AFF2: variants seen among roughly 807,000 people sequenced by gnomAD.
AFF2 encodes ALF transcription elongation factor 2.
AFF2 carries 14 observed loss-of-function variants against 76.9 expected under a neutral mutation model. That is an observed-to-expected ratio of 0.18 (90% confidence interval 0.12 to 0.28). The LOEUF (loss-of-function observed/expected upper bound fraction) is 0.28. AFF2 is among the 10% of genes least tolerant of loss of function. The probability of loss-of-function intolerance (pLI) is 1.00; values close to 1 mark genes in which losing one functional copy is unlikely to be tolerated. For synonymous variants in AFF2, 398 were observed against 366.7 expected (o/e 1.09, Z -0.98); for missense variants, 868 against 1,001.1 (o/e 0.87, Z 1.79).
chrX:148,539,337 G>A (rs1423250782), intron 1 of AFF2, among the ~76,000 whole-genome samples: 5 of 111,449 alleles, frequency 4.5e-5, no homozygotes, highest in African/African-American at 1.3e-4. Context: ...GCTAAACAGA[G>A]ACTTGAATTG....
At chrX:148,535,294 C>A (rs1257192247) in intron 1 of AFF2, among the ~76,000 whole-genome samples, 4 of 112,261 alleles carry the variant, frequency 3.6e-5, no homozygotes, top group African/African-American at 6.5e-5. Context: ...TACCTTTATT[C>A]TTTTCATTCC....
intron 9 of AFF2, among the ~76,000 whole-genome samples, chrX:148,910,041 C>T (rs2071451599): frequency 8.9e-6 from 1 of 112,508 alleles, no homozygotes; most frequent in African/African-American, 3.2e-5. Flanking sequence ...AGGTTGACAT[C>T]TGTTACCAAA....
intron 2 of AFF2, among the ~76,000 whole-genome samples, chrX:148,654,960 G>T (rs1475151229): frequency 9.0e-6 from 1 of 111,160 alleles, no homozygotes; most frequent in Admixed American, 9.6e-5. Flanking sequence ...TTATAATGAG[G>T]TGGAGAACTC....
chrX:148,961,290 G>A (rs2072105715), intron 12 of AFF2, among the ~76,000 whole-genome samples: 1 of 111,885 alleles, frequency 8.9e-6, no homozygotes, highest in Non-Finnish European at 1.9e-5. Context: ...AAGGCCTGGT[G>A]CCTTTGTAAT....
At chrX:148,651,777 T>C (rs1378558662) in intron 1 of AFF2, among the ~76,000 whole-genome samples, 1 of 111,561 alleles carries the variant, frequency 9.0e-6, no homozygotes, top group African/African-American at 3.3e-5. Flanking sequence ...TGAATATCAT[T>C]TCAAATAAGC....
chrX:148,672,193 G>A (rs1188599501), intron 3 of AFF2, among the ~76,000 whole-genome samples: 1 of 111,993 alleles, frequency 8.9e-6, no homozygotes, highest in African/African-American at 3.2e-5. Context: ...TTTTCTATTT[G>A]ACATGAAAGA....
intron 1 of AFF2, among the ~76,000 whole-genome samples, chrX:148,571,224 G>A (rs782790761): frequency 8.9e-6 from 1 of 111,789 alleles, no homozygotes; most frequent in African/African-American, 3.2e-5. Context: ...CTACTTAATT[G>A]TTATCAAAGT....
chrX:148,564,308 A>G lies in AFF2; in HGVS notation c.47+63164A>G, dbSNP rs941919173. ...ATGACAGGTATATTATCATTAGGCT[A>G]TATTCAGTAACTAATAAAGAAATTA... is the stretch of plus-strand genomic sequence containing the variant. On this transcript the variant is annotated intron_variant, in intron 1 of 20. Transcript: ENST00000370460. Among the ~76,000 whole-genome samples the G allele has an allele frequency of 8.1e-5, 9 of 110,969 alleles. 3 individuals carry two copies. The highest frequency in any genetic ancestry group is 4.6e-3 in the Middle Eastern group (1 of 217).
intron 4 of AFF2, among the ~76,000 whole-genome samples, chrX:148,835,389 G>A (rs1348868285): frequency 9.1e-6 from 1 of 110,053 alleles, no homozygotes; most frequent in Non-Finnish European, 1.9e-5. Context: ...GACAAAAATT[G>A]TACATACTTA....
chrX:148,743,151 AG>A (rs1356827251), intron 3 of AFF2, among the ~76,000 whole-genome samples: 1 of 111,980 alleles, frequency 8.9e-6, no homozygotes, highest in Non-Finnish European at 1.9e-5. Context: ...ATGTCTGTAA[AG>A]TTTTTGTGAT....
In AFF2 at chrX:148,999,859, A is replaced by C. The variant is rs1372269532; in HGVS notation, c.*8527A>C. 1 of 112,032 alleles carries C rather than the reference A, an allele frequency of 8.9e-6. No homozygotes were observed. The highest frequency in any genetic ancestry group is 1.9e-5 in the Non-Finnish European group (1 of 53,231). 9.2% of individuals were successfully genotyped at this position (112,032 alleles called of 1,213,427 possible). A position where few individuals can be genotyped will look rare whatever the true frequency, so the allele number is the denominator to read the frequency against. ...AAAAGGCTCTGTTAAAATCCAATTG[A>C]GTTTCCAAGAGGAAATTGTAGTAGG... On this transcript the variant is annotated 3_prime_UTR_variant, in exon 21 of 21. Transcript: ENST00000370460.
intron 1 of AFF2, among the ~76,000 whole-genome samples, chrX:148,601,095 C>A (rs1299997902): frequency 8.9e-6 from 1 of 112,639 alleles, no homozygotes; most frequent in African/African-American, 3.2e-5. Context: ...TTTTACATTT[C>A]TTTTTCTTTC....
At chrX:148,566,856 C>T (rs1308534875) in intron 1 of AFF2, among the ~76,000 whole-genome samples, 1 of 111,706 alleles carries the variant, frequency 9.0e-6, no homozygotes, top group Non-Finnish European at 1.9e-5. Context: ...AACCAAAGTG[C>T]CAGCAAATCA....
intron 1 of AFF2, among the ~76,000 whole-genome samples, chrX:148,623,553 A>G (rs958353051): frequency 1.0e-4 from 11 of 107,867 alleles, no homozygotes; most frequent in Non-Finnish European, 1.1e-4. Flanking sequence ...TGAATGTATT[A>G]TCACTTCCAT....
At chrX:148,941,095 A>C (rs1443907989) in intron 9 of AFF2, among the ~76,000 whole-genome samples, 1 of 112,016 alleles carries the variant, frequency 8.9e-6, no homozygotes, top group African/African-American at 3.2e-5. Context: ...AGTCTTTGGC[A>C]AAGAATGGGA....
At chrX:148,839,451 T>C (rs2070569854) in intron 5 of AFF2, among the ~76,000 whole-genome samples, 1 of 111,890 alleles carries the variant, frequency 8.9e-6, no homozygotes, top group Non-Finnish European at 1.9e-5. Context: ...CCCAAAGAGA[T>C]TGGTAATTTT....
intron 3 of AFF2, among the ~76,000 whole-genome samples, chrX:148,703,091 CA>C (rs2054823774): frequency 9.0e-6 from 1 of 111,618 alleles, no homozygotes; most frequent in Admixed American, 9.5e-5. Flanking sequence ...CCAGAACAGA[CA>C]AAAGTACATA....
intron 1 of AFF2, among the ~76,000 whole-genome samples, chrX:148,565,964 T>A (rs2053165591): frequency 9.0e-6 from 1 of 111,435 alleles, no homozygotes; most frequent in African/African-American, 3.3e-5. Flanking sequence ...TAAAGGTATA[T>A]ATAAATATGT....
At chrX:148,953,831 A>T in intron 10 of AFF2, 92 bp downstream of exon 10, 1 of 734,191 alleles carries the variant, frequency 1.4e-6, no homozygotes, top group East Asian at 3.3e-5. Context: ...ACACACACAC[A>T]CACACTTTCA....
Sources: allele counts gnomAD v4.1 joint callset (sites outside exome capture counted in the v4.1 genomes callset), GRCh38; gene constraint gnomAD v4.1.1; transcripts MANE v1.5; gene names NCBI Gene and HGNC (gene_info 2026-07-23, HGNC 2026-07-21).